The following STARD4 variants were observed in gnomAD, a reference collection of about 807,000 sequenced individuals.
STARD4 encodes StAR related lipid transfer domain containing 4, also known as stAR-related lipid transfer protein 4.
STARD4 carries 33 observed loss-of-function variants against 24.9 expected under a neutral mutation model. The observed-to-expected ratio is 1.32, with a 90% CI of 1.00 to 1.77. The LOEUF is 1.77. Among genes scored for constraint, STARD4 ranks in the 40% most tolerant of loss-of-function variants. The pLI is 0.00. For missense variants in STARD4, 238 were observed against 249.3 expected, an observed-to-expected ratio of 0.95 and a Z score of 0.31; for synonymous variants, 88 against 77.4, an observed-to-expected ratio of 1.14 and a Z score of -0.72.
chr5:111,503,943 C>G (rs1756656305), intron 3 of STARD4, among the ~76,000 whole-genome samples: 1 of 152,098 alleles, frequency 6.6e-6, no homozygotes, highest in South Asian at 2.1e-4. Context: ...AAAAGATGTG[C>G]AAAGGACATG....
rs1756146241 is a variant in STARD4, at chr5:111,497,218, A to C, written c.*2668T>G. On this transcript the variant is annotated 3_prime_UTR_variant, in exon 6 of 6. Coordinates refer to ENST00000296632, the MANE Select transcript of STARD4 (RefSeq NM_139164.3). ...TTCACCAACTGCCATATCAAAAGTT[A>C]CTTATCTTTGAAGGAAAATATTTGC... 1 of 152,088 alleles carries C rather than the reference A, an allele frequency of 6.6e-6. No homozygotes were observed. The highest frequency in any genetic ancestry group is 1.5e-5 in the Non-Finnish European group (1 of 67,926). 9.4% of individuals were successfully genotyped at this position (152,088 alleles called of 1,614,324 possible).
intron 4 of STARD4, among the ~76,000 whole-genome samples, chr5:111,501,647 T>C (rs573638857): frequency 6.6e-6 from 1 of 152,338 alleles, no homozygotes; most frequent in South Asian, 2.1e-4. Context: ...AATATGATGG[T>C]GGTGTTTTCA....
In STARD4 at chr5:111,497,359, GTAT is replaced by G. The variant is rs1378565917; in HGVS notation, c.*2524_*2526del. On this transcript the variant is annotated 3_prime_UTR_variant, in exon 6 of 6. Coordinates refer to ENST00000296632, the MANE Select transcript of STARD4 (RefSeq NM_139164.3). ...AGATTTCCATTTAAGATATTATTCCGTATTATTGTCTATTTCATCTTACTACAA... is the reference window on the plus strand; with the variant it reads ...AGATTTCCATTTAAGATATTATTCCGTATTGTCTATTTCATCTTACTACAA... 4 of 151,852 alleles carry G rather than the reference GTAT, an allele frequency of 2.6e-5. No homozygotes were observed. Among genetic ancestry groups the G allele is most frequent in the African/African-American group, 7.2e-5 (3 of 41,382 alleles). The allele number at this position is 151,852 out of a possible 1,614,324, so 9.4% of individuals were successfully genotyped here.
rs1247655566 is a variant in STARD4, at chr5:111,499,397, T to G, written c.*489A>C. On this transcript the variant is annotated 3_prime_UTR_variant, in exon 6 of 6. Coordinates refer to ENST00000296632, the MANE Select transcript of STARD4 (RefSeq NM_139164.3). Reference sequence around the variant, plus strand: ...ACCAACTGAATTCCACATTTTAAATTGGGGCCAGGCATGGTGGCTCACGCT... The same window carrying G: ...ACCAACTGAATTCCACATTTTAAATGGGGGCCAGGCATGGTGGCTCACGCT... The G allele has an allele frequency of 2.6e-5, 4 of 153,052 alleles. No homozygotes were observed. The highest frequency in any genetic ancestry group is 9.7e-5 in the African/African-American group (4 of 41,424). The allele number at this position is 153,052 out of a possible 1,614,324, so 9.5% of individuals were successfully genotyped here.
chr5:111,500,132 C>G (rs773491828), intron 5 of STARD4, 26 bp from the exon 6 acceptor site: 2 of 1,548,668 alleles, frequency 1.3e-6, no homozygotes, highest in Non-Finnish European at 1.7e-6. Context: ...TAAAATAGCA[C>G]TATTAATAGC....
chr5:111,512,284 G>A (rs1757372828), intron 1 of STARD4, 101 bp downstream of exon 1: 1 of 152,486 alleles, frequency 6.6e-6, no homozygotes, highest in African/African-American at 2.4e-5. Context: ...CCATGGTCTG[G>A]AGCAGGTCCA....
intron 3 of STARD4, among the ~76,000 whole-genome samples, chr5:111,503,849 T>C (rs1035387927): frequency 3.2e-4 from 49 of 151,982 alleles, no homozygotes; most frequent in Non-Finnish European, 1.0e-4. Flanking sequence ...TGGGAGAAGG[T>C]AGTATAACAC....
intron 3 of STARD4, among the ~76,000 whole-genome samples, chr5:111,505,334 T>C (rs756050139): frequency 6.6e-5 from 10 of 152,320 alleles, no homozygotes; most frequent in Non-Finnish European, 1.2e-4. Context: ...ATCATAAATA[T>C]TGTAAAATTC....
chr5:111,507,748 G>A lies in STARD4; in HGVS notation c.-9-306C>T, dbSNP rs1323611291. ...GGGAAGCAATTGTATCTCATATATAGATATGCTGTTAACTCTCAAACATTT... is the reference window on the plus strand; with the variant it reads ...GGGAAGCAATTGTATCTCATATATAAATATGCTGTTAACTCTCAAACATTT... On this transcript the variant is annotated intron_variant, in intron 1 of 5. Coordinates refer to ENST00000296632, the MANE Select transcript of STARD4 (RefSeq NM_139164.3). This position sits in a 1 kb window ranked among gnomAD's most constrained non-coding sequence, Gnocchi z 4.4. Among the ~76,000 whole-genome samples, 1 of 152,056 alleles carries A rather than the reference G, an allele frequency of 6.6e-6. No individual in the cohort carries two copies. The highest frequency in any genetic ancestry group is 1.5e-5 in the Non-Finnish European group (1 of 67,974).
In STARD4 at chr5:111,512,509, G is replaced by T. The variant is rs568445019; in HGVS notation, c.-134C>A. Reference sequence around the variant, plus strand: ...ATGCGCAGGCGACAGCAGCCAACTTGTAAGTCACCGCTGGTCGCAGCCAAC... The same window carrying T: ...ATGCGCAGGCGACAGCAGCCAACTTTTAAGTCACCGCTGGTCGCAGCCAAC... On this transcript the variant is annotated 5_prime_UTR_variant, in exon 1 of 6. Coordinates refer to ENST00000296632, the MANE Select transcript of STARD4 (RefSeq NM_139164.3). 1 of 152,744 alleles carries T rather than the reference G, an allele frequency of 6.5e-6. No homozygotes were observed. Among genetic ancestry groups the T allele is most frequent in the Non-Finnish European group, 1.5e-5 (1 of 68,474 alleles). The allele number at this position is 152,744 out of a possible 1,614,324, so 9.5% of individuals were successfully genotyped here.
chr5:111,510,380 C>T (rs1204366438), intron 1 of STARD4, among the ~76,000 whole-genome samples: 2 of 152,198 alleles, frequency 1.3e-5, no homozygotes, highest in African/African-American at 4.8e-5. Context: ...CTGCAATCTC[C>T]AACTGTGGAG....
At position 111,507,382 on chromosome 5, in the gene STARD4, G is replaced by C. The variant is rs1756943367; in HGVS notation, c.52C>G (p.Leu18Val). 1 of 1,613,552 alleles carries C rather than the reference G, an allele frequency of 6.2e-7. No homozygotes were observed. The highest frequency in any genetic ancestry group is 1.3e-5 in the African/African-American group (1 of 74,916). The change falls in exon 2 of 6, where the codon CTC becomes GTC. Residue 18 changes from leucine (L) to valine (V), a missense_variant. By Grantham distance (32) the Leu-to-Val change is conservative. Coordinates refer to ENST00000296632, the MANE Select transcript of STARD4 (RefSeq NM_139164.3). This position sits in a 1 kb window ranked among gnomAD's most constrained non-coding sequence, Gnocchi z 4.4. ...ASFATKLKNTLIQYHSIEEDK... is the reference protein window; with the variant it reads ...ASFATKLKNTVIQYHSIEEDK... The stretch of plus-strand genomic sequence containing the variant: ...TCTTCAATGCTATGGTACTGGATGA[G>C]AGTGTTTTTAAGTTTAGTTGCAAAA...
chr5:111,504,561 AAGG>A (rs1377960196), intron 3 of STARD4, among the ~76,000 whole-genome samples: 1 of 152,228 alleles, frequency 6.6e-6, no homozygotes, highest in Non-Finnish European at 1.5e-5. Context: ...AGATGAAAGA[AAGG>A]AGATGAAATA....
At chr5:111,500,150 G>C in intron 5 of STARD4, 44 bp from the exon 6 acceptor site, 1 of 1,488,868 alleles carries the variant, frequency 6.7e-7, no homozygotes, top group Non-Finnish European at 9.0e-7. Flanking sequence ...AGCAATAACT[G>C]ACATAAAACT....
intron 3 of STARD4, among the ~76,000 whole-genome samples, chr5:111,503,907 A>T (rs2112554984): frequency 6.6e-6 from 1 of 152,354 alleles, no homozygotes; most frequent in Non-Finnish European, 1.5e-5. Flanking sequence ...ACTCCTATAA[A>T]CCAATGAGAA....
At chr5:111,504,791 A>T (rs980481447) in intron 3 of STARD4, among the ~76,000 whole-genome samples, 1 of 152,192 alleles carries the variant, frequency 6.6e-6, no homozygotes, top group East Asian at 1.9e-4. Flanking sequence ...TTCTTCTCTT[A>T]ACCCCATTTC....
chr5:111,505,098 T>C (rs1464819243), intron 3 of STARD4: 2 of 447,698 alleles, frequency 4.5e-6, no homozygotes, highest in Non-Finnish European at 8.9e-6. Flanking sequence ...AGATATGCAA[T>C]TCCTTCTGCC....
rs980225306 is a variant in STARD4 at position 111,498,511 on chromosome 5, T to A, written c.*1375A>T. On this transcript the variant is annotated 3_prime_UTR_variant, in exon 6 of 6. Coordinates refer to ENST00000296632, the MANE Select transcript of STARD4 (RefSeq NM_139164.3). Reference sequence around the variant, plus strand: ...TACGCTAATAAAAACAAATAAAAAATAGATGAAGTCAAAACTAACATTTAC... The same window carrying A: ...TACGCTAATAAAAACAAATAAAAAAAAGATGAAGTCAAAACTAACATTTAC... 1 of 150,934 alleles carries A rather than the reference T, an allele frequency of 6.6e-6. No individual in the cohort carries two copies. The highest frequency in any genetic ancestry group is 1.5e-5 in the Non-Finnish European group (1 of 67,700). The allele number at this position is 150,934 out of a possible 1,614,324, so 9.3% of individuals were successfully genotyped here.
intron 5 of STARD4, chr5:111,500,341 A>G (rs761680812): frequency 1.6e-5 from 20 of 1,234,036 alleles, no homozygotes; most frequent in Non-Finnish European, 2.0e-5. Flanking sequence ...ACATGACATC[A>G]TATCATCTTA....
Sources: allele counts gnomAD v4.1 joint callset (sites outside exome capture counted in the v4.1 genomes callset), GRCh38; gene constraint gnomAD v4.1.1; non-coding constraint Gnocchi (gnomAD v3.1); transcripts MANE v1.5; gene names NCBI Gene and HGNC (gene_info 2026-07-23, HGNC 2026-07-21).